DPP10: variants seen among roughly 807,000 people sequenced by gnomAD.
DPP10 encodes inactive dipeptidyl peptidase 10.
A neutral mutation model predicts 120.9 loss-of-function variants in DPP10; 33 were observed. The observed-to-expected ratio is 0.27, with a 90% CI of 0.21 to 0.37. The LOEUF (loss-of-function observed/expected upper bound fraction) is 0.37, where lower values mean the gene tolerates loss of function less well. Among genes scored for constraint, DPP10 ranks in the 10% least tolerant of loss-of-function variants. The pLI is 1.00. For missense variants in DPP10, 816 were observed against 942.8 expected (o/e 0.87, Z 1.76); for synonymous variants, 337 against 326.1 (o/e 1.03, Z -0.36).
chr2:115,383,824 T>C (rs10167944), intron 3 of DPP10, among the ~76,000 whole-genome samples: 103,228 of 152,090 alleles, frequency 0.68, 35,358 homozygotes, highest in Admixed American at 0.75. Flanking sequence ...GTTCCAACAT[T>C]TGATTCTTGC....
intron 1 of DPP10, among the ~76,000 whole-genome samples, chr2:114,465,985 G>C (rs886231314): frequency 2.0e-5 from 3 of 152,124 alleles, no homozygotes; most frequent in Non-Finnish European, 2.9e-5. Context: ...ACCTTTGGCT[G>C]TGCTTCCCCC....
At chr2:114,928,338 C>G (rs149007253) in intron 1 of DPP10, among the ~76,000 whole-genome samples, 24 of 152,304 alleles carry the variant, frequency 1.6e-4, no homozygotes, top group African/African-American at 5.3e-4. Context: ...GGTAAAGATT[C>G]TCATTCCAAG....
chr2:115,104,085 G>A (rs868548730), intron 1 of DPP10, among the ~76,000 whole-genome samples: 5 of 146,658 alleles, frequency 3.4e-5, no homozygotes, highest in Non-Finnish European at 7.5e-5. Flanking sequence ...TTTGTATTAA[G>A]TATTTATACA....
chr2:115,431,569 C>G (rs919406537), intron 3 of DPP10, among the ~76,000 whole-genome samples: 1 of 152,080 alleles, frequency 6.6e-6, no homozygotes, highest in Admixed American at 6.6e-5. Flanking sequence ...AAAAAAGCAC[C>G]ACTCTTTAGA....
At chr2:115,038,500 A>G (rs1258564031) in intron 1 of DPP10, among the ~76,000 whole-genome samples, 3 of 151,868 alleles carry the variant, frequency 2.0e-5, no homozygotes, top group African/African-American at 7.3e-5. Flanking sequence ...TATGGTCTCT[A>G]TCTCCTGACC....
intron 1 of DPP10, among the ~76,000 whole-genome samples, chr2:114,813,044 C>T (rs537294529): frequency 2.6e-5 from 4 of 152,272 alleles, no homozygotes; most frequent in South Asian, 2.1e-4. Flanking sequence ...ATTAAGCCCA[C>T]GAGGACTGAT....
intron 1 of DPP10, among the ~76,000 whole-genome samples, chr2:114,743,520 C>T (rs891242982): frequency 9.9e-5 from 15 of 151,878 alleles, no homozygotes; most frequent in African/African-American, 2.9e-4. Context: ...TTATTACAAC[C>T]TCTATAAGTG....
At chr2:114,831,342 C>CAG (rs1354529853) in intron 1 of DPP10, among the ~76,000 whole-genome samples, 1 of 152,108 alleles carries the variant, frequency 6.6e-6, no homozygotes, top group East Asian at 1.9e-4. Context: ...AATGGGTCAA[C>CAG]TATCTAGCTG....
intron 3 of DPP10, among the ~76,000 whole-genome samples, chr2:115,496,519 C>T (rs540620636): frequency 1.2e-3 from 190 of 152,244 alleles, no homozygotes; most frequent in African/African-American, 4.4e-3. Context: ...GATGAATTTT[C>T]TTTCGATCAC....
At position 115,842,542 on chromosome 2, in the gene DPP10, G is replaced by A. The variant is rs35586568; in HGVS notation, c.*197G>A. ...CTGTGTTGCTAGGGGTGCAGAACCC[G>A]TTTCTTTGTATGAGAGAGGTCAAAG... is the stretch of plus-strand genomic sequence containing the variant. On this transcript the variant is annotated 3_prime_UTR_variant, in exon 26 of 26. Transcript: ENST00000410059. 17,916 of 514,834 alleles carry A rather than the reference G, an allele frequency of 0.035. 423 individuals carry two copies. Among genetic ancestry groups the A allele is most frequent in the Non-Finnish European group, 0.046 (15,079 of 325,252 alleles). The allele number at this position is 514,834 out of a possible 1,614,324, so 31.9% of individuals were successfully genotyped here. A position where few individuals can be genotyped will look rare whatever the true frequency, so the allele number is the denominator to read the frequency against.
chr2:114,568,977 A>G (rs1689418675), intron 1 of DPP10, among the ~76,000 whole-genome samples: 1 of 152,250 alleles, frequency 6.6e-6, no homozygotes, highest in Non-Finnish European at 1.5e-5. Flanking sequence ...TCAGAACTGT[A>G]GGAGGTTTTA....
chr2:114,455,156 T>TTTTGTGTGTGTGTGTGTGTG (rs1553443770), intron 1 of DPP10, among the ~76,000 whole-genome samples: 1 of 147,390 alleles, frequency 6.8e-6, no homozygotes, highest in African/African-American at 2.5e-5. Flanking sequence ...TTTCTTTCTA[T>TTTTGTGTGTGTGTGTGTGTG]TGTGTGTGTG....
intron 5 of DPP10, among the ~76,000 whole-genome samples, chr2:115,647,111 G>A (rs1389496603): frequency 1.3e-5 from 2 of 152,156 alleles, no homozygotes; most frequent in Non-Finnish European, 2.9e-5. Context: ...GGCTCCAGAT[G>A]CATGGACAGA....
chr2:114,637,058 CT>C lies in DPP10; in HGVS notation c.60+194225del, dbSNP rs999739335. 8.6e-5 allele frequency among the ~76,000 whole-genome samples: 13 copies of C among 151,824 alleles called. 2 individuals carry two copies. The highest frequency in any genetic ancestry group is 3.2e-4 in the African/African-American group (13 of 41,170). ...TTAATTCTTTGGATTTTATTATTTA[CT>C]TTTTGAAGAACATTGTTTTACTTTG... On this transcript the variant is annotated intron_variant, in intron 1 of 25. Coordinates refer to ENST00000410059, the MANE Select transcript of DPP10 (RefSeq NM_020868.6).
At chr2:115,277,695 A>T (rs1208120054) in intron 1 of DPP10, among the ~76,000 whole-genome samples, 1 of 151,984 alleles carries the variant, frequency 6.6e-6, no homozygotes, top group Non-Finnish European at 1.5e-5. Context: ...ACTTAATGAA[A>T]ATATTGCGTA....
chr2:114,821,092 G>A (rs1429632612), intron 1 of DPP10, among the ~76,000 whole-genome samples: 1 of 152,218 alleles, frequency 6.6e-6, no homozygotes, highest in Non-Finnish European at 1.5e-5. Flanking sequence ...AACTTCAAGT[G>A]CCAAGGATAC....
chr2:115,219,178 A>C (rs1188965346), intron 1 of DPP10, among the ~76,000 whole-genome samples: 1 of 152,162 alleles, frequency 6.6e-6, no homozygotes, highest in Non-Finnish European at 1.5e-5. Flanking sequence ...TCATCCCAAG[A>C]TGGTAAACAC....
chr2:115,111,183 G>A (rs1312323865), intron 1 of DPP10, among the ~76,000 whole-genome samples: 1 of 151,134 alleles, frequency 6.6e-6, no homozygotes, highest in East Asian at 1.9e-4. Context: ...CATCTTCGGT[G>A]ACCACTAACT....
intron 1 of DPP10, among the ~76,000 whole-genome samples, chr2:115,207,575 G>T (rs1041490752): frequency 1.1e-4 from 17 of 152,058 alleles, no homozygotes; most frequent in Non-Finnish European, 2.4e-4. Context: ...TGTATCACAC[G>T]TAGATGGGAA....
Sources: gnomAD v4.1 joint callset for allele counts (sites outside exome capture counted in the v4.1 genomes callset) on GRCh38, gnomAD v4.1.1 for gene constraint, MANE v1.5 for transcripts, NCBI Gene and HGNC (gene_info 2026-07-23, HGNC 2026-07-21) for gene names.